Variants in SH3PXD2A observed in about 807,000 individuals in gnomAD.
SH3PXD2A encodes SH3 and PX domain-containing protein 2A.
SH3PXD2A carries 32 observed loss-of-function variants against 115.2 expected under a neutral mutation model. The ratio of observed to expected loss-of-function variants is 0.28; its 90% CI spans 0.21 to 0.37. SH3PXD2A has a LOEUF of 0.37. SH3PXD2A is among the 10% of genes least tolerant of loss of function. The pLI is 1.00. For synonymous variants in SH3PXD2A, 610 were observed against 629.1 expected (o/e 0.97, Z 0.45); for missense variants, 1,328 against 1,498.7 (o/e 0.89, Z 1.88).
At chr10:103,635,728 C>T (rs1352083156) in intron 8 of SH3PXD2A, among the ~76,000 whole-genome samples, 2 of 152,254 alleles carry the variant, frequency 1.3e-5, no homozygotes, top group Admixed American at 6.5e-5. Flanking sequence ...AGCTGCCTCA[C>T]CCTGGCCTGT....
chr10:103,812,992 T>G (rs1203603575), intron 1 of SH3PXD2A, among the ~76,000 whole-genome samples: 2 of 152,104 alleles, frequency 1.3e-5, no homozygotes, highest in Non-Finnish European at 2.9e-5. Context: ...TATATAAAGA[T>G]AAGGAATATT....
At chr10:103,815,167 T>A (rs766997670) in intron 1 of SH3PXD2A, among the ~76,000 whole-genome samples, 3 of 152,146 alleles carry the variant, frequency 2.0e-5, no homozygotes, top group Non-Finnish European at 4.4e-5. Flanking sequence ...TTCTGAGACA[T>A]GACACCAAAA....
At chr10:103,774,024 CATGCCTAGCCATT>C (rs1385929505) in intron 2 of SH3PXD2A, among the ~76,000 whole-genome samples, 1 of 152,240 alleles carries the variant, frequency 6.6e-6, no homozygotes, top group Non-Finnish European at 1.5e-5. Context: ...CATGAACCAT[CATGCCTAGCCATT>C]TTCTTTATAT....
chr10:103,851,131 C>G (rs1842892829), intron 1 of SH3PXD2A, among the ~76,000 whole-genome samples: 1 of 127,506 alleles, frequency 7.8e-6, no homozygotes, highest in Admixed American at 8.9e-5. Flanking sequence ...GGGCTGGAGT[C>G]ACAATCTAAG....
Position 103,756,657 on chromosome 10 carries a change from A to T in SH3PXD2A, c.229+10437T>A, listed in dbSNP as rs1314065205. 6.6e-6 allele frequency among the ~76,000 whole-genome samples: 1 copy of T among 152,092 alleles called. No homozygotes were observed. The highest frequency in any genetic ancestry group is 1.5e-5 in the Non-Finnish European group (1 of 67,976). On this transcript the variant is annotated intron_variant, in intron 3 of 14. Coordinates refer to ENST00000369774, the MANE Select transcript of SH3PXD2A (RefSeq NM_001394015.1). The surrounding 1 kb of genome is among the most constrained non-coding windows in gnomAD (Gnocchi z 4.4). ...ATGCAGCCCACAGGCAGGAGTGGGG[A>T]GTGGTGGTGAGGTGAAACACTCCTT... is the stretch of plus-strand genomic sequence containing the variant.
intron 2 of SH3PXD2A, among the ~76,000 whole-genome samples, chr10:103,782,938 G>GT (rs1361074687): frequency 6.7e-6 from 1 of 148,686 alleles, no homozygotes; most frequent in African/African-American, 2.5e-5. Context: ...TGCCTTGGGG[G>GT]GGGGGGCTCT....
intron 5 of SH3PXD2A, among the ~76,000 whole-genome samples, chr10:103,702,596 C>CGTGTGTGTGTGTGTGTGT (rs6144056): frequency 0.15 from 22,784 of 147,328 alleles, 2,037 homozygotes; most frequent in African/African-American, 0.21. Flanking sequence ...TGTGTGTGTG[C>CGTGTGTGTGTGTGTGTGT]GTGTGTGTGT....
At chr10:103,691,090 AG>A (rs1212134580) in intron 6 of SH3PXD2A, among the ~76,000 whole-genome samples, 1 of 151,852 alleles carries the variant, frequency 6.6e-6, no homozygotes, top group African/African-American at 2.4e-5. Flanking sequence ...GGGACCTGAG[AG>A]GTTATTTGTT....
At chr10:103,829,616 G>C (rs2039465762) in intron 1 of SH3PXD2A, among the ~76,000 whole-genome samples, 1 of 152,208 alleles carries the variant, frequency 6.6e-6, no homozygotes, top group Admixed American at 6.5e-5. Context: ...GAGGGAGGCA[G>C]GAAAGGGCAG....
intron 13 of SH3PXD2A, among the ~76,000 whole-genome samples, 169 bp from the exon 14 acceptor site, chr10:103,606,086 G>A (rs1396069859): frequency 2.0e-5 from 3 of 152,046 alleles, no homozygotes; most frequent in Non-Finnish European, 2.9e-5. Flanking sequence ...GGTATATATC[G>A]CCAGGGGACT....
intron 1 of SH3PXD2A, among the ~76,000 whole-genome samples, chr10:103,812,003 T>C (rs1436289159): frequency 1.3e-5 from 2 of 152,230 alleles, no homozygotes; most frequent in African/African-American, 2.4e-5. Context: ...TTTGCACTTA[T>C]GAATTTTAGT....
intron 6 of SH3PXD2A, among the ~76,000 whole-genome samples, chr10:103,674,818 T>C (rs2037510341): frequency 6.7e-6 from 1 of 148,380 alleles, no homozygotes; most frequent in Non-Finnish European, 1.5e-5. Context: ...AGGCTCTGTC[T>C]CTTAAAAACA....
intron 8 of SH3PXD2A, among the ~76,000 whole-genome samples, chr10:103,646,656 C>T (rs2037041191): frequency 1.3e-5 from 2 of 152,216 alleles, no homozygotes; most frequent in African/African-American, 4.8e-5. Flanking sequence ...TATGTGTCCC[C>T]TGTAGACTGT....
intron 9 of SH3PXD2A, 35 bp from the exon 10 acceptor site, chr10:103,622,588 A>G: frequency 1.4e-6 from 2 of 1,413,306 alleles, no homozygotes; most frequent in Non-Finnish European, 1.9e-6. Context: ...CATGCGGCCA[A>G]CAGCAACCGG....
At chr10:103,769,150 G>A (rs1158461616) in intron 2 of SH3PXD2A, among the ~76,000 whole-genome samples, 1 of 93,724 alleles carries the variant, frequency 1.1e-5, no homozygotes, top group African/African-American at 5.4e-5. Context: ...GTGTGTGTGT[G>A]TGTGTGTGTG....
chr10:103,712,892 G>A (rs1375928178), intron 5 of SH3PXD2A, among the ~76,000 whole-genome samples: 1 of 152,234 alleles, frequency 6.6e-6, no homozygotes, highest in African/African-American at 2.4e-5. Context: ...GCAATGGCAT[G>A]AGTCCAGCCT....
At chr10:103,743,824 C>T (rs1016470883) in intron 3 of SH3PXD2A, among the ~76,000 whole-genome samples, 7 of 152,192 alleles carry the variant, frequency 4.6e-5, no homozygotes, top group Non-Finnish European at 8.8e-5. Flanking sequence ...TTAAGATTTT[C>T]GTCAAGATAT....
intron 8 of SH3PXD2A, among the ~76,000 whole-genome samples, chr10:103,638,823 G>C (rs2036905400): frequency 6.6e-6 from 1 of 152,276 alleles, no homozygotes; most frequent in Admixed American, 6.5e-5. Flanking sequence ...CAATGCGCCT[G>C]GGTGACTGGG....
intron 1 of SH3PXD2A, among the ~76,000 whole-genome samples, chr10:103,818,742 C>A (rs2039348499): frequency 6.6e-6 from 1 of 152,154 alleles, no homozygotes; most frequent in Admixed American, 6.5e-5. Flanking sequence ...ACACATTTCT[C>A]CCCTAGTTCC....
Sources: gnomAD v4.1 joint callset for allele counts (sites outside exome capture counted in the v4.1 genomes callset) on GRCh38, gnomAD v4.1.1 for gene constraint, Gnocchi (gnomAD v3.1) non-coding constraint, MANE v1.5 for transcripts, NCBI Gene and HGNC (gene_info 2026-07-23, HGNC 2026-07-21) for gene names.